WDR49: variants seen among roughly 807,000 people sequenced by gnomAD.
WDR49 encodes WD repeat domain 49.
In WDR49, 107 loss-of-function variants were observed where a neutral mutation model predicts 119.5. The ratio of observed to expected loss-of-function variants is 0.90; its 90% CI spans 0.77 to 1.05. The LOEUF is 1.05. Ranked by LOEUF, WDR49 falls within the 50% of genes least tolerant of loss-of-function variation. WDR49 has a pLI of 0.00. For synonymous variants in WDR49, 425 were observed against 418.8 expected, an observed-to-expected ratio of 1.01 and a Z score of -0.18; for missense variants, 1,240 against 1,220.5, an observed-to-expected ratio of 1.02 and a Z score of -0.24.
chr3:167,627,633 C>T (rs1007940546), intron 2 of WDR49, among the ~76,000 whole-genome samples: 1 of 151,972 alleles, frequency 6.6e-6, no homozygotes, highest in Non-Finnish European at 1.5e-5. Flanking sequence ...CTAGAAAAGG[C>T]AAGGAAAGGT....
chr3:167,491,164 A>G (rs909521756), intron 18 of WDR49, among the ~76,000 whole-genome samples: 3 of 152,098 alleles, frequency 2.0e-5, no homozygotes, highest in African/African-American at 7.2e-5. Flanking sequence ...AACATCAACA[A>G]GAACCCCTGA....
At position 167,597,381 on chromosome 3, in the gene WDR49, C is replaced by G. The variant is rs544246345; in HGVS notation, c.1275+4746G>C. Among the ~76,000 whole-genome samples, 9 of 152,314 alleles carry G rather than the reference C, an allele frequency of 5.9e-5. No individual in the cohort carries two copies. In the South Asian group the frequency reaches 1.9e-3, roughly 32 times the overall value. On this transcript the variant is annotated intron_variant, in intron 7 of 18. Coordinates refer to ENST00000682715, the MANE Select transcript of WDR49 (RefSeq NM_001366157.1). ...AGGATGTACAAAAATGCCTGGATGT[C>G]CAGGCAGAAGTGGGCTGCAGGGAGC...
intron 18 of WDR49, among the ~76,000 whole-genome samples, chr3:167,485,166 G>A (rs937098521): frequency 2.0e-5 from 3 of 152,038 alleles, no homozygotes; most frequent in African/African-American, 7.2e-5. Flanking sequence ...ACACAGGGTG[G>A]AGAACATCAC....
intron 16 of WDR49, among the ~76,000 whole-genome samples, chr3:167,507,457 G>A (rs1311075624): frequency 6.6e-6 from 1 of 152,194 alleles, no homozygotes; most frequent in African/African-American, 2.4e-5. Flanking sequence ...GATACTGAAA[G>A]CATGGAGTGT....
chr3:167,538,964 C>CCCA (rs1231064425), intron 10 of WDR49, among the ~76,000 whole-genome samples: 1 of 152,118 alleles, frequency 6.6e-6, no homozygotes, highest in Admixed American at 6.6e-5. Context: ...CCCAATAATA[C>CCCA]ATAGATCTAA....
chr3:167,507,234 A>AT (rs896038140), intron 16 of WDR49, among the ~76,000 whole-genome samples: 4 of 151,598 alleles, frequency 2.6e-5, no homozygotes, highest in African/African-American at 7.3e-5. Flanking sequence ...GGAATTACAG[A>AT]TTTTTTTTTC....
chr3:167,559,696 T>C (rs1436362305), intron 9 of WDR49, among the ~76,000 whole-genome samples: 1 of 152,204 alleles, frequency 6.6e-6, no homozygotes, highest in African/African-American at 2.4e-5. Context: ...TCCTGATTTC[T>C]CATTTAATCA....
chr3:167,521,766 T>C (rs575893784), intron 16 of WDR49, among the ~76,000 whole-genome samples: 2 of 152,226 alleles, frequency 1.3e-5, no homozygotes, highest in East Asian at 3.9e-4. Flanking sequence ...ACTAAACTCC[T>C]TAACATGAGA....
chr3:167,621,717 C>A, intron 3 of WDR49, 74 bp from the exon 4 acceptor site: 1 of 1,364,400 alleles, frequency 7.3e-7, no homozygotes, highest in East Asian at 2.5e-5. Context: ...AGCAGACACG[C>A]CACTCTAATT....
intron 3 of WDR49, among the ~76,000 whole-genome samples, chr3:167,622,131 A>G (rs1456064877): frequency 2.6e-5 from 4 of 152,206 alleles, no homozygotes; most frequent in Non-Finnish European, 2.9e-5. Flanking sequence ...AAATAAGTCA[A>G]TAGAAAATGT....
chr3:167,649,472 G>A (rs1313475192), intron 2 of WDR49, among the ~76,000 whole-genome samples: 1 of 152,142 alleles, frequency 6.6e-6, no homozygotes, highest in African/African-American at 2.4e-5. Flanking sequence ...AGATACTGTT[G>A]AGGTGTTTTG....
intron 10 of WDR49, among the ~76,000 whole-genome samples, chr3:167,544,131 G>T (rs1712015386): frequency 6.7e-6 from 1 of 149,518 alleles, no homozygotes; most frequent in African/African-American, 2.4e-5. Context: ...ATCTCTACAA[G>T]GAAAACTATA....
Position 167,522,471 on chromosome 3 carries a change from T to C in WDR49, c.2618A>G (p.His873Arg), listed in dbSNP as rs1752486994. 6.3e-7 allele frequency: 1 copy of C among 1,589,710 alleles called. No individual in the cohort carries two copies. Among genetic ancestry groups the C allele is most frequent in the Non-Finnish European group, 8.5e-7 (1 of 1,174,478 alleles). Residue 873 changes from histidine to arginine, a missense_variant, in exon 16 of 19, where the codon CAT becomes CGT. Transcript: ENST00000682715. The part of the protein sequence containing the change: ...VWIFGQAKHW[H>R]IENCLFLPKR... ...AGGAAGGAAAAGGCAGTTTTCAATA[T>C]GCCAGTGCTTTGCCTGAAAAAAACG...
chr3:167,620,449 T>C lies in WDR49; in HGVS notation c.938A>G (p.Gln313Arg), dbSNP rs1051082462. The C allele has an allele frequency of 6.5e-7, 1 of 1,535,486 alleles. No individual in the cohort carries two copies. The highest frequency in any genetic ancestry group is 8.7e-7 in the Non-Finnish European group (1 of 1,146,456). Reference protein sequence around the residue: ...CCHILEHKLHQGDWVRQVTYN... With the variant: ...CCHILEHKLHRGDWVRQVTYN... ...AATACCTTGCCTGACCCAATCTCCT[T>C]GATGAAGTTTATGCTCTAATATATG... The change falls in exon 5 of 19, where the codon CAA becomes CGA. Residue 313 changes from glutamine (Q) to arginine (R), a missense_variant. By Grantham distance (43) the Gln-to-Arg change is conservative. Coordinates refer to ENST00000682715, the MANE Select transcript of WDR49 (RefSeq NM_001366157.1).
chr3:167,591,110 T>C (rs1435111684), intron 7 of WDR49, among the ~76,000 whole-genome samples: 1 of 152,114 alleles, frequency 6.6e-6, no homozygotes, highest in East Asian at 1.9e-4. Flanking sequence ...CATGTTTCCA[T>C]TGTCATTTGT....
At chr3:167,486,298 C>T (rs78129571) in intron 18 of WDR49, among the ~76,000 whole-genome samples, 1 of 152,076 alleles carries the variant, frequency 6.6e-6, no homozygotes, top group African/African-American at 2.4e-5. Flanking sequence ...ACCACAAAAA[C>T]ACACTTAAGT....
chr3:167,564,184 T>G (rs1032706686), intron 8 of WDR49, among the ~76,000 whole-genome samples: 1 of 152,204 alleles, frequency 6.6e-6, no homozygotes, highest in African/African-American at 2.4e-5. Context: ...TCTCGTGAAA[T>G]CTAAGTCAGT....
intron 14 of WDR49, 48 bp from the exon 15 acceptor site, chr3:167,528,065 G>C (rs1752700283): frequency 1.3e-6 from 2 of 1,511,248 alleles, no homozygotes; most frequent in Admixed American, 1.8e-5. Flanking sequence ...AATATGAAAT[G>C]ATTACAATGA....
intron 8 of WDR49, among the ~76,000 whole-genome samples, chr3:167,562,235 C>G (rs763995535): frequency 2.2e-4 from 33 of 152,082 alleles, no homozygotes; most frequent in Non-Finnish European, 4.4e-4. Context: ...TGTAAAGATA[C>G]TTCTTGCAGC....
Sources: gnomAD v4.1 joint callset for allele counts (sites outside exome capture counted in the v4.1 genomes callset) on GRCh38, gnomAD v4.1.1 for gene constraint, MANE v1.5 for transcripts, NCBI Gene and HGNC (gene_info 2026-07-23, HGNC 2026-07-21) for gene names.